Variants in SHOX observed in about 807,000 individuals in gnomAD.
SHOX encodes SHOX homeobox, also known as short stature homeobox protein.
In SHOX, 12 loss-of-function variants were observed where a neutral mutation model predicts 29.6. The ratio of observed to expected loss-of-function variants is 0.41; its 90% CI spans 0.26 to 0.66. The LOEUF is 0.66. Among genes scored for constraint, SHOX ranks in the 30% least tolerant of loss-of-function variants. The pLI is 0.35. For synonymous variants in SHOX, 214 were observed against 200.6 expected (o/e 1.07, Z -0.57); for missense variants, 499 against 437.7 (o/e 1.14, Z -1.25).
chrX:625,058 C>CTCTCCCTCCCTCCCTCCTTCT (rs542639091), intron 1 of SHOX, among the ~76,000 whole-genome samples: 1 of 75,214 alleles, frequency 1.3e-5, no homozygotes, highest in East Asian at 2.9e-4. Flanking sequence ...TCTGTTCCTT[C>CTCTCCCTCCCTCCCTCCTTCT]CTCCCTCCCT....
At chrX:635,217 C>T (rs969291148) in intron 2 of SHOX, among the ~76,000 whole-genome samples, 5 of 152,112 alleles carry the variant, frequency 3.3e-5, no homozygotes, top group East Asian at 1.9e-4. Flanking sequence ...AGGGGCAACA[C>T]ATGCAAACAA....
At chrX:653,696 AG>A (rs2053099609), downstream of SHOX, among the ~76,000 whole-genome samples, 1 of 152,188 alleles carries the variant, frequency 6.6e-6, no homozygotes, top group South Asian at 2.1e-4. Flanking sequence ...TTTATGTAAC[AG>A]ATTCTTACCA....
chrX:625,886 C>G (rs1169523178), upstream of SHOX, among the ~76,000 whole-genome samples: 5 of 130,790 alleles, frequency 3.8e-5, no homozygotes, highest in Admixed American at 8.1e-5. Flanking sequence ...CTTTCTCTCT[C>G]TCCTCTCTCT....
In SHOX at chrX:650,325, C is replaced by G. The variant is rs912596660; in HGVS notation, c.*5689C>G. Reference sequence around the variant, plus strand: ...AAAGACGCCCTGTCGTAGGAATGGCCTCTCCATCCCGCCAAAGTCCAGCCA... The same window carrying G: ...AAAGACGCCCTGTCGTAGGAATGGCGTCTCCATCCCGCCAAAGTCCAGCCA... On this transcript the variant is annotated 3_prime_UTR_variant, in exon 5 of 5. Coordinates refer to ENST00000686671, the MANE Select transcript of SHOX (RefSeq NM_000451.4). 5.7e-5 allele frequency among the ~76,000 whole-genome samples: 8 copies of G among 139,284 alleles called. No individual in the cohort carries two copies. Among genetic ancestry groups the G allele is most frequent in the Non-Finnish European group, 9.4e-5 (6 of 63,886 alleles). 91.4% of individuals were successfully genotyped at this position (139,284 alleles called of 152,430 possible). A position where few individuals can be genotyped will look rare whatever the true frequency, so the allele number is the denominator to read the frequency against.
At position 645,388 on chromosome X, in the gene SHOX, GTATTTTTTTTTTTTTT is replaced by G. The variant is rs1346693451; in HGVS notation, c.*754_*769del. On this transcript the variant is annotated 3_prime_UTR_variant, in exon 5 of 5. Transcript: ENST00000686671. ...TTGGGTCTGGTTTTGTTTTGGATTG[GTATTTTTTTTTTTTTT>G]TTTTTTTTTTTTTTTTTTTGCTGTG... The G allele has an allele frequency of 2.6e-5, 2 of 77,748 alleles. No individual in the cohort carries two copies. Among genetic ancestry groups the G allele is most frequent in the African/African-American group, 8.2e-5 (2 of 24,340 alleles). 4.8% of individuals were successfully genotyped at this position (77,748 alleles called of 1,614,324 possible). A position where few individuals can be genotyped will look rare whatever the true frequency, so the allele number is the denominator to read the frequency against.
downstream of SHOX, among the ~76,000 whole-genome samples, chrX:655,541 A>C (rs2053125198): frequency 6.9e-6 from 1 of 144,524 alleles, no homozygotes; most frequent in African/African-American, 2.6e-5. Flanking sequence ...GTTCGAGACC[A>C]ACCTCAGCAA....
Position 634,688 on chromosome X carries a change from A to G in SHOX, c.348A>G (p.Lys116=). Residue 116 remains lysine, a synonymous_variant, in exon 2 of 5, where the codon AAA becomes AAG. Transcript: ENST00000686671. ...ACGAGGACGGGCAGACCAAGCTGAA[A>G]CAGAGGCGCAGCCGCACCAACTTCA... ...SEDEDGQTKL[K]QRRSRTNFTL... 6.2e-7 allele frequency: 1 copy of G among 1,613,890 alleles called. No homozygotes were observed. The highest frequency in any genetic ancestry group is 8.5e-7 in the Non-Finnish European group (1 of 1,179,852).
rs1051496932 is a variant in SHOX, at chrX:630,841, C to A, written c.-57C>A. On this transcript the variant is annotated 5_prime_UTR_variant, in exon 1 of 5. Transcript: ENST00000686671. ...CCGCGCGCACGGGCCGTCCTCTCCGCGCGGGGAGACGCGCGCATCCACCAG... is the reference window on the plus strand; with the variant it reads ...CCGCGCGCACGGGCCGTCCTCTCCGAGCGGGGAGACGCGCGCATCCACCAG... 10 of 1,605,450 alleles carry A rather than the reference C, an allele frequency of 6.2e-6. No individual in the cohort carries two copies. In the African/African-American group the frequency reaches 8.0e-5, roughly 13 times the overall value.
At chrX:632,691 C>T (rs1236238340) in intron 1 of SHOX, among the ~76,000 whole-genome samples, 1 of 152,168 alleles carries the variant, frequency 6.6e-6, no homozygotes, top group Non-Finnish European at 1.5e-5. Context: ...ACAAAGCAGT[C>T]CCCGGTTTCT....
Position 644,875 on chromosome X carries a change from C to T in SHOX, c.*239C>T, listed in dbSNP as rs1482931795. Reference sequence around the variant, plus strand: ...AGCGGGTGAGCGGCCGTGCGTCCAGCCCGGGCCTCTCCAAGGCTGCCCGTG... The same window carrying T: ...AGCGGGTGAGCGGCCGTGCGTCCAGTCCGGGCCTCTCCAAGGCTGCCCGTG... On this transcript the variant is annotated 3_prime_UTR_variant, in exon 5 of 5. Transcript: ENST00000686671. 1.9e-6 allele frequency: 1 copy of T among 521,250 alleles called. No homozygotes were observed. The highest frequency in any genetic ancestry group is 3.1e-6 in the Non-Finnish European group (1 of 318,942). The allele number at this position is 521,250 out of a possible 1,614,324, so 32.3% of individuals were successfully genotyped here.
chrX:633,196 A>C (rs1055653834), intron 1 of SHOX, among the ~76,000 whole-genome samples: 2 of 152,014 alleles, frequency 1.3e-5, no homozygotes, highest in African/African-American at 4.8e-5. Context: ...TTACCGTGGA[A>C]GCCTGGAGTT....
intron 1 of SHOX, among the ~76,000 whole-genome samples, chrX:625,135 CTT>C (rs892324617): frequency 5.5e-5 from 7 of 126,430 alleles, no homozygotes; most frequent in East Asian, 2.6e-4. Context: ...TTTCTTTTTT[CTT>C]TCTCTTTCAT....
rs1393613250 is a variant in SHOX at position 645,902 on chromosome X, G to GT, written c.*1272dup. 5 of 152,222 alleles carry GT rather than the reference G, an allele frequency of 3.3e-5. No individual in the cohort carries two copies. Among genetic ancestry groups the GT allele is most frequent in the African/African-American group, 1.2e-4 (5 of 41,542 alleles). The allele number at this position is 152,222 out of a possible 1,614,324, so 9.4% of individuals were successfully genotyped here. On this transcript the variant is annotated 3_prime_UTR_variant, in exon 5 of 5. Coordinates refer to ENST00000686671, the MANE Select transcript of SHOX (RefSeq NM_000451.4). The stretch of plus-strand genomic sequence containing the variant: ...GTTCCCCCAGTTCTTTTATTTCTTT[G>GT]TTTTTTATTTTTGAGACAGAGACTT...
intron 1 of SHOX, among the ~76,000 whole-genome samples, chrX:634,285 A>C (rs1348563860): frequency 6.6e-6 from 1 of 152,082 alleles, no homozygotes; most frequent in Non-Finnish European, 1.5e-5. Context: ...TCTTCCTCAA[A>C]TTCTTTCCCT....
chrX:634,932 C>A, intron 2 of SHOX, 106 bp downstream of exon 2: 1 of 1,248,714 alleles, frequency 8.0e-7, no homozygotes, highest in Non-Finnish European at 1.1e-6. Context: ...CCGTCCCCTT[C>A]CCGGAGCGCG....
chrX:633,265 G>A (rs2052680893), intron 1 of SHOX, among the ~76,000 whole-genome samples: 1 of 152,160 alleles, frequency 6.6e-6, no homozygotes, highest in South Asian at 2.1e-4. Flanking sequence ...AAAGCCTGCG[G>A]GTGTTTGAGG....
Position 630,981 on chromosome X carries a change from TAAG to T in SHOX, c.88_90del (p.Lys30del), listed in dbSNP as rs776789883. 4.3e-5 allele frequency: 70 copies of T among 1,612,938 alleles called. No individual in the cohort carries two copies. The Admixed American group carries it at 1.0e-3, about 23-fold the overall frequency. The stretch of plus-strand genomic sequence containing the variant: ...ACGGCGGAGGCGGAGGCGGCGGAGG[TAAG>T]AAGGATTCCATTACGTACCGGGAAG... On this transcript the variant is annotated inframe_deletion, in exon 1 of 5. Transcript: ENST00000686671.
chrX:625,926 T>A (rs1288899495), upstream of SHOX, among the ~76,000 whole-genome samples: 2 of 134,240 alleles, frequency 1.5e-5, no homozygotes, highest in African/African-American at 5.5e-5. Context: ...TATCTCTATC[T>A]CTGTCTCTCT....
downstream of SHOX, among the ~76,000 whole-genome samples, chrX:652,461 A>C (rs775310325): frequency 1.8e-3 from 274 of 150,434 alleles, 1 homozygote; most frequent in Non-Finnish European, 2.4e-3. Flanking sequence ...CTGGGAGGGA[A>C]GTGGGGGAGG....
Sources: allele counts gnomAD v4.1 joint callset (sites outside exome capture counted in the v4.1 genomes callset), GRCh38; gene constraint gnomAD v4.1.1; transcripts MANE v1.5; gene names NCBI Gene and HGNC (gene_info 2026-07-23, HGNC 2026-07-21).